The following SFXN5 variants were observed in gnomAD, a reference collection of about 807,000 sequenced individuals.
SFXN5 encodes sideroflexin-5.
Under a neutral mutation model 50.2 loss-of-function variants are expected in SFXN5, and 43 were observed. The ratio of observed to expected loss-of-function variants is 0.86; its 90% CI spans 0.67 to 1.11. The LOEUF is 1.11. Ranked by LOEUF, SFXN5 falls within the 50% of genes least tolerant of loss-of-function variation. The probability of loss-of-function intolerance (pLI) is 0.00; values close to 1 mark genes in which losing one functional copy is unlikely to be tolerated. For missense variants in SFXN5, 463 were observed against 454.1 expected (o/e 1.02, Z -0.18); for synonymous variants, 203 against 185.8 (o/e 1.09, Z -0.75).
intron 2 of SFXN5, among the ~76,000 whole-genome samples, chr2:73,046,333 C>T (rs544853749): frequency 1.1e-4 from 17 of 150,050 alleles, no homozygotes; most frequent in Admixed American, 2.7e-4. Context: ...CGCTTGAACC[C>T]GGAAAGTGAA....
chr2:72,984,683 C>T (rs1574032858), intron 10 of SFXN5, among the ~76,000 whole-genome samples: 1 of 152,190 alleles, frequency 6.6e-6, no homozygotes, highest in African/African-American at 2.4e-5. Flanking sequence ...TGAGGGGAGC[C>T]GTGCAGCCCC....
chr2:73,042,627 T>A (rs1450710367), intron 2 of SFXN5: 1 of 149,992 alleles, frequency 6.7e-6, no homozygotes, highest in Non-Finnish European at 1.5e-5. Context: ...AATAAAAAAA[T>A]AAAAAATAAA....
intron 6 of SFXN5, among the ~76,000 whole-genome samples, chr2:73,017,230 T>A (rs1368645572): frequency 2.0e-5 from 3 of 152,252 alleles, no homozygotes; most frequent in South Asian, 2.1e-4. Context: ...GAAGGAGAAG[T>A]TGTTTACCTC....
At chr2:72,968,593 C>A (rs1674759639) in intron 11 of SFXN5, 60 bp from the exon 12 acceptor site, 4 of 1,514,932 alleles carry the variant, frequency 2.6e-6, no homozygotes, top group Non-Finnish European at 3.6e-6. Flanking sequence ...GGACAGCACA[C>A]CACCCAGAGC....
rs58792095 is a variant in SFXN5 at position 73,014,305 on chromosome 2, A to G, written c.357+5934T>C. Among the ~76,000 whole-genome samples the G allele has an allele frequency of 2.8e-3, 431 of 152,276 alleles. 3 individuals are homozygous for G. The highest frequency in any genetic ancestry group is 0.01 in the African/African-American group (420 of 41,570). ...AGGTAGCCAGCTGTCCCAGCACCAT[A>G]TAATACTATTAGATGGTTTGTCCTT... is the stretch of plus-strand genomic sequence containing the variant. On this transcript the variant is annotated intron_variant, in intron 6 of 13. Coordinates refer to ENST00000272433, the MANE Select transcript of SFXN5 (RefSeq NM_144579.3).
chr2:73,070,430 A>G (rs1448627786), intron 1 of SFXN5: 2 of 152,078 alleles, frequency 1.3e-5, no homozygotes, highest in East Asian at 1.9e-4. Context: ...CACAACAACA[A>G]AAAAAGAAAA....
chr2:73,058,536 C>T lies in SFXN5; in HGVS notation c.163G>A (p.Val55Ile). ...LDIIDPRTLF[V>I]TERRLREAVQ... ...TGACAGCCATGACTTACCTCAGTGA[C>T]AAAGAGTGTGCGAGGGTCGATGATA... Residue 55 changes from valine to isoleucine, a missense_variant, in exon 2 of 14, where the codon GTC becomes ATC. By Grantham distance (29) the Val-to-Ile change is conservative. Coordinates refer to ENST00000272433, the MANE Select transcript of SFXN5 (RefSeq NM_144579.3). The T allele has an allele frequency of 1.9e-6, 3 of 1,614,038 alleles. No homozygotes were observed. Among genetic ancestry groups the T allele is most frequent in the Non-Finnish European group, 2.5e-6 (3 of 1,179,964 alleles).
At position 72,953,275 on chromosome 2, in the gene SFXN5, G is replaced by A. The variant is rs993784754; in HGVS notation, c.945+7856C>T. Among the ~76,000 whole-genome samples, 3 of 152,044 alleles carry A rather than the reference G, an allele frequency of 2.0e-5. No homozygotes were observed. The highest frequency in any genetic ancestry group is 6.5e-5 in the Admixed American group (1 of 15,284). On this transcript the variant is annotated intron_variant, in intron 13 of 13. Coordinates refer to ENST00000272433, the MANE Select transcript of SFXN5 (RefSeq NM_144579.3). The surrounding 1 kb of genome is among the most constrained non-coding windows in gnomAD (Gnocchi z 4.1). ...GGCGGGGAGGCAGCAGATTTCTGAC[G>A]GCAAAAATAGCCCACTTTAGAGTTC...
chr2:73,025,431 C>T (rs1020956437), intron 3 of SFXN5, among the ~76,000 whole-genome samples: 2 of 152,194 alleles, frequency 1.3e-5, no homozygotes, highest in East Asian at 1.9e-4. Flanking sequence ...GTGCTCAATA[C>T]GTGCTTAATG....
chr2:72,986,337 C>T (rs1671923168), intron 10 of SFXN5, among the ~76,000 whole-genome samples: 1 of 152,200 alleles, frequency 6.6e-6, no homozygotes, highest in Non-Finnish European at 1.5e-5. Context: ...TGCTTCAAAG[C>T]ACCCTCCTCT....
chr2:73,039,259 T>A (rs890135252), intron 3 of SFXN5, among the ~76,000 whole-genome samples: 1 of 152,198 alleles, frequency 6.6e-6, no homozygotes, highest in African/African-American at 2.4e-5. Flanking sequence ...CACTGTCATA[T>A]ATGTGATCCC....
At chr2:73,047,248 ATAT>A (rs1680520262) in intron 2 of SFXN5, among the ~76,000 whole-genome samples, 15 of 28,262 alleles carry the variant, frequency 5.3e-4, no homozygotes, top group African/African-American at 2.1e-3. Context: ...AAAAAAAAAT[ATAT>A]ATATATATAT....
chr2:73,039,175 G>A lies in SFXN5; in HGVS notation c.249+1679C>T, dbSNP rs554145539. On this transcript the variant is annotated intron_variant, in intron 3 of 13. Coordinates refer to ENST00000272433, the MANE Select transcript of SFXN5 (RefSeq NM_144579.3). ...ACTCCTGACCTCAAGTGATCCGCCCGCCTTGGCCTCCCAAAGTGCTGGGAT... is the reference window on the plus strand; with the variant it reads ...ACTCCTGACCTCAAGTGATCCGCCCACCTTGGCCTCCCAAAGTGCTGGGAT... Among the ~76,000 whole-genome samples the A allele has an allele frequency of 2.4e-4, 37 of 152,272 alleles. No individual in the cohort carries two copies. The South Asian group carries it at 2.7e-3, about 11-fold the overall frequency.
chr2:73,060,556 C>T (rs148449997), intron 1 of SFXN5, among the ~76,000 whole-genome samples: 4 of 151,716 alleles, frequency 2.6e-5, no homozygotes, highest in South Asian at 2.1e-4. Flanking sequence ...TGGATCCTGG[C>T]GTAGAGGGGG....
At chr2:73,027,140 A>C (rs1435276485) in intron 3 of SFXN5, among the ~76,000 whole-genome samples, 2 of 152,164 alleles carry the variant, frequency 1.3e-5, no homozygotes, top group Non-Finnish European at 2.9e-5. Context: ...AGGCATACTT[A>C]TCATAGGAGA....
In SFXN5 at chr2:73,022,414, T is replaced by C; in HGVS notation, c.331+108A>G. The C allele has an allele frequency of 3.6e-6, 3 of 831,768 alleles. No homozygotes were observed. The South Asian group carries it at 4.3e-5, about 12-fold the overall frequency. 51.5% of individuals were successfully genotyped at this position (831,768 alleles called of 1,614,324 possible). A position where few individuals can be genotyped will look rare whatever the true frequency, so the allele number is the denominator to read the frequency against. On this transcript the variant is annotated intron_variant, in intron 5 of 13. Transcript: ENST00000272433. ...AGAGGTGCAAATATGGCCATGATTGTAACAGGCTCTGTCCCCTCCTTAGGC... is the reference window on the plus strand; with the variant it reads ...AGAGGTGCAAATATGGCCATGATTGCAACAGGCTCTGTCCCCTCCTTAGGC...
At chr2:72,946,942 G>A (rs925911914) in intron 13 of SFXN5, among the ~76,000 whole-genome samples, 3 of 152,096 alleles carry the variant, frequency 2.0e-5, no homozygotes, top group African/African-American at 7.2e-5. Context: ...TTGGTTCCTC[G>A]CACACCCTGG....
rs1673760199 is a variant in SFXN5, at chr2:73,000,447, T to C, written c.452A>G (p.Asn151Ser). The C allele has an allele frequency of 6.4e-7, 1 of 1,559,668 alleles. No individual in the cohort carries two copies. Among genetic ancestry groups the C allele is most frequent in the African/African-American group, 1.4e-5 (1 of 73,800 alleles). The change falls in exon 8 of 14, where the codon AAC becomes AGC. Residue 151 changes from asparagine (N) to serine (S), a missense_variant. Physicochemically the swap from Asn to Ser is conservative, Grantham distance 46. Coordinates refer to ENST00000272433, the MANE Select transcript of SFXN5 (RefSeq NM_144579.3). ...GATGCTCACCTTGGTCGCATTGCGG[T>C]TTGCATAGTTGACACAGGCATTGTG... ...QSHNACVNYA[N>S]RNATKPSPAS... is the part of the protein sequence containing the mutation.
intron 12 of SFXN5, among the ~76,000 whole-genome samples, chr2:72,964,164 G>A (rs1007905602): frequency 6.6e-6 from 1 of 152,216 alleles, no homozygotes; most frequent in Non-Finnish European, 1.5e-5. Flanking sequence ...CCACACCACA[G>A]CTTGTCCCCC....
Sources: gnomAD v4.1 joint callset for allele counts (sites outside exome capture counted in the v4.1 genomes callset) on GRCh38, gnomAD v4.1.1 for gene constraint, Gnocchi (gnomAD v3.1) non-coding constraint, MANE v1.5 for transcripts, NCBI Gene and HGNC (gene_info 2026-07-23, HGNC 2026-07-21) for gene names.